Variants in PPP1R12A observed in about 807,000 individuals in gnomAD.
PPP1R12A encodes protein phosphatase 1 regulatory subunit 12A.
In PPP1R12A, 19 loss-of-function variants were observed where a neutral mutation model predicts 139.6. The observed-to-expected ratio is 0.14, with a 90% CI of 0.09 to 0.20. The LOEUF is 0.20. Among genes scored for constraint, PPP1R12A ranks in the 10% least tolerant of loss-of-function variants. The pLI is 1.00. For missense variants in PPP1R12A, 925 were observed against 1,211.5 expected (o/e 0.76, Z 3.51); for synonymous variants, 427 against 420.6 (o/e 1.02, Z -0.19).
At chr12:79,932,072 C>T (rs1400076946) in intron 1 of PPP1R12A, among the ~76,000 whole-genome samples, 1 of 152,094 alleles carries the variant, frequency 6.6e-6, no homozygotes, top group Non-Finnish European at 1.5e-5. Flanking sequence ...AAATTTAGAA[C>T]ACTTGATCAA....
intron 5 of PPP1R12A, 63 bp from the exon 6 acceptor site, chr12:79,822,253 G>T: frequency 8.9e-7 from 1 of 1,126,870 alleles, no homozygotes; most frequent in South Asian, 1.4e-5. Flanking sequence ...AATGCCTTCA[G>T]TAATTCTGTA....
rs1397027237 is a variant in PPP1R12A at position 79,934,871 on chromosome 12, C to G, written c.61G>C (p.Glu21Gln). 6.2e-7 allele frequency: 1 copy of G among 1,611,118 alleles called. No individual in the cohort carries two copies. The highest frequency in any genetic ancestry group is 8.5e-7 in the Non-Finnish European group (1 of 1,178,836). ...NEQLKRWIGS[E>Q]TDLEPPVVKR... ...ACCACCGGAGGCTCGAGGTCCGTCT[C>G]GGAGCCGATCCAGCGTTTCAGCTGC... Residue 21 changes from glutamate to glutamine, a missense_variant, in exon 1 of 25, where the codon GAG becomes CAG. Glu to Gln is a conservative substitution (Grantham distance 29, BLOSUM62 2). Around this residue, in one of 4 missense-constraint regions of PPP1R12A, gnomAD observed 199 missense variants for 352.4 expected, o/e 0.56. Coordinates refer to ENST00000450142, the MANE Select transcript of PPP1R12A (RefSeq NM_002480.3).
At chr12:79,857,813 T>C (rs1261976946) in intron 2 of PPP1R12A, among the ~76,000 whole-genome samples, 2 of 152,100 alleles carry the variant, frequency 1.3e-5, no homozygotes, top group African/African-American at 4.8e-5. Flanking sequence ...CCAATGCTAC[T>C]ATCAGTTATG....
chr12:79,822,298 A>G, intron 5 of PPP1R12A, 108 bp from the exon 6 acceptor site: 1 of 760,362 alleles, frequency 1.3e-6, no homozygotes, highest in Non-Finnish European at 2.1e-6. Context: ...AACATTTTTT[A>G]CAGTGGTTAT....
intron 3 of PPP1R12A, among the ~76,000 whole-genome samples, chr12:79,834,049 C>A (rs889472131): frequency 1.3e-5 from 2 of 152,112 alleles, no homozygotes; most frequent in Non-Finnish European, 1.5e-5. Context: ...TGAGCACCTA[C>A]TATTTTGCCA....
At chr12:79,916,418 A>G (rs1450858329) in intron 1 of PPP1R12A, among the ~76,000 whole-genome samples, 1 of 152,158 alleles carries the variant, frequency 6.6e-6, no homozygotes, top group Non-Finnish European at 1.5e-5. Flanking sequence ...TGCTTTATAC[A>G]TTCATAAAGA....
chr12:79,856,615 A>G (rs1334131396), intron 2 of PPP1R12A, among the ~76,000 whole-genome samples: 1 of 152,232 alleles, frequency 6.6e-6, no homozygotes. Context: ...AGTCAACAGC[A>G]AAGCAATTTG....
At chr12:79,814,531 T>TCAGGC (rs1875053169) in intron 9 of PPP1R12A, among the ~76,000 whole-genome samples, 1 of 144,840 alleles carries the variant, frequency 6.9e-6, no homozygotes, top group South Asian at 2.2e-4. Context: ...AAAAAAAATT[T>TCAGGC]CAGGCCAGGC....
At chr12:79,851,009 G>A (rs1879980807) in intron 2 of PPP1R12A, among the ~76,000 whole-genome samples, 1 of 152,136 alleles carries the variant, frequency 6.6e-6, no homozygotes, top group African/African-American at 2.4e-5. Flanking sequence ...GTTCTTCATA[G>A]CAGTGCAAGA....
Position 79,843,344 on chromosome 12 carries a change from G to A in PPP1R12A, c.487+1958C>T, listed in dbSNP as rs1015867741. The stretch of plus-strand genomic sequence containing the variant: ...TAATCCCAGCATTTTGGGAGGCCCA[G>A]GCAGGAGGATCACCAGAAGTCAGGA... On this transcript the variant is annotated intron_variant, in intron 3 of 24. Coordinates refer to ENST00000450142, the MANE Select transcript of PPP1R12A (RefSeq NM_002480.3). Among the ~76,000 whole-genome samples the A allele has an allele frequency of 7.9e-5, 12 of 152,176 alleles. No individual in the cohort carries two copies. In the East Asian group the frequency reaches 2.3e-3, roughly 30 times the overall value.
At chr12:79,833,939 C>A (rs1163330750) in intron 3 of PPP1R12A, among the ~76,000 whole-genome samples, 2 of 151,082 alleles carry the variant, frequency 1.3e-5, no homozygotes. Flanking sequence ...AACACACACA[C>A]ACACATTTCC....
intron 12 of PPP1R12A, among the ~76,000 whole-genome samples, 168 bp from the exon 13 acceptor site, chr12:79,806,501 TAGA>T (rs1327944689): frequency 1.3e-5 from 2 of 152,234 alleles, no homozygotes; most frequent in Admixed American, 6.5e-5. Context: ...TGCTAGAGTT[TAGA>T]AGATTTCACT....
intron 2 of PPP1R12A, among the ~76,000 whole-genome samples, chr12:79,862,480 C>G (rs1881451599): frequency 6.6e-6 from 1 of 152,136 alleles, no homozygotes; most frequent in Non-Finnish European, 1.5e-5. Flanking sequence ...GACAAAGTGA[C>G]AGAAGTCAGC....
intron 4 of PPP1R12A, among the ~76,000 whole-genome samples, chr12:79,829,311 A>C (rs1877140684): frequency 1.3e-5 from 2 of 152,140 alleles, no homozygotes; most frequent in Non-Finnish European, 2.9e-5. Flanking sequence ...ACTTTCCAAG[A>C]TGTTGAGCTT....
intron 1 of PPP1R12A, among the ~76,000 whole-genome samples, chr12:79,895,726 C>T (rs1885069476): frequency 6.6e-6 from 1 of 152,102 alleles, no homozygotes; most frequent in South Asian, 2.1e-4. Context: ...ACATCAATGC[C>T]CTTCACCAGC....
intron 3 of PPP1R12A, among the ~76,000 whole-genome samples, chr12:79,838,473 G>C (rs1878340977): frequency 1.3e-5 from 2 of 152,190 alleles, no homozygotes; most frequent in African/African-American, 4.8e-5. Flanking sequence ...AGGGGAAAAG[G>C]TCCCCAGGGC....
In PPP1R12A at chr12:79,793,830, A is replaced by G. The variant is rs185404919; in HGVS notation, c.2649+33T>C. ...TAAAAGTAATTATTAAAAAATATGA[A>G]TACTTCTCAATACAAAAAGTAATGG... On this transcript the variant is annotated intron_variant, in intron 19 of 24. Coordinates refer to ENST00000450142, the MANE Select transcript of PPP1R12A (RefSeq NM_002480.3). The G allele has an allele frequency of 2.0e-6, 3 of 1,464,800 alleles. No individual in the cohort carries two copies. The Admixed American group carries it at 5.8e-5, about 28-fold the overall frequency. 90.7% of individuals were successfully genotyped at this position (1,464,800 alleles called of 1,614,324 possible).
At chr12:79,785,951 G>A (rs1266463792) in intron 22 of PPP1R12A, among the ~76,000 whole-genome samples, 1 of 152,016 alleles carries the variant, frequency 6.6e-6, no homozygotes, top group Non-Finnish European at 1.5e-5. Flanking sequence ...CTTACAAAAG[G>A]AGTTATGATT....
chr12:79,883,007 C>T (rs114074821), intron 1 of PPP1R12A, among the ~76,000 whole-genome samples: 2,888 of 152,082 alleles, frequency 0.019, 92 homozygotes, highest in African/African-American at 0.066. Flanking sequence ...TGTGGTGGCA[C>T]GCACCTATAA....
Sources: gnomAD v4.1 joint callset for allele counts (sites outside exome capture counted in the v4.1 genomes callset) on GRCh38, gnomAD v4.1.1 for gene constraint, gnomAD v4.1.1 regional missense constraint, MANE v1.5 for transcripts, NCBI Gene and HGNC (gene_info 2026-07-23, HGNC 2026-07-21) for gene names.